CENPW: variants seen among roughly 807,000 people sequenced by gnomAD.
The protein encoded by CENPW is cancer-up-regulated gene 2 protein.
CENPW carries 3 observed loss-of-function variants against 11.1 expected under a neutral mutation model. That is an observed-to-expected ratio of 0.27 (90% CI 0.12 to 0.70). The LOEUF (loss-of-function observed/expected upper bound fraction) is 0.70, where lower values mean the gene tolerates loss of function less well. Ranked by LOEUF, CENPW falls within the 30% of genes least tolerant of loss-of-function variation. The pLI is 0.77. For synonymous variants in CENPW, 38 were observed against 42.0 expected, an observed-to-expected ratio of 0.91 and a Z score of 0.37; for missense variants, 100 against 105.6, an observed-to-expected ratio of 0.95 and a Z score of 0.23.
the CENPW span, among the ~76,000 whole-genome samples, chr6:126,390,644 G>C: frequency 1.5e-4 from 23 of 151,852 alleles, no homozygotes; most frequent in African/African-American, 4.3e-4. Context: ...CCCAGCCTCT[G>C]TTAACCATAC....
At chr6:126,367,393 A>G in the CENPW span, among the ~76,000 whole-genome samples, 3 of 152,174 alleles carry the variant, frequency 2.0e-5, no homozygotes, top group South Asian at 4.1e-4. Context: ...CAGAGATGCA[A>G]TGTACAAGAT....
the CENPW span, among the ~76,000 whole-genome samples, chr6:126,396,223 C>T: frequency 6.6e-6 from 1 of 151,988 alleles, no homozygotes; most frequent in Non-Finnish European, 1.5e-5. Context: ...TCTAAGCTAC[C>T]ATGACTAAGC....
chr6:126,474,158 A>G, the CENPW span, among the ~76,000 whole-genome samples: 44 of 151,818 alleles, frequency 2.9e-4, no homozygotes, highest in African/African-American at 1.0e-3. Flanking sequence ...TGAAAAGCCC[A>G]CAGCTGACAT....
At chr6:126,434,262 C>A in the CENPW span, among the ~76,000 whole-genome samples, 2 of 151,968 alleles carry the variant, frequency 1.3e-5, no homozygotes, top group Non-Finnish European at 1.5e-5. Flanking sequence ...CAGGCCAAAT[C>A]CTAGTTTTGG....
At chr6:126,482,017 C>A in the CENPW span, among the ~76,000 whole-genome samples, 118 of 151,958 alleles carry the variant, frequency 7.8e-4, no homozygotes, top group South Asian at 0.02. Flanking sequence ...GCCCATTTTT[C>A]TTTGTGTTGT....
the CENPW span, among the ~76,000 whole-genome samples, chr6:126,453,922 A>G: frequency 2.0e-5 from 3 of 151,276 alleles, no homozygotes; most frequent in Non-Finnish European, 4.4e-5. Context: ...TTCAGAAAAA[A>G]CAGACTTTAA....
chr6:126,352,247 C>T (rs1222323420), downstream of CENPW, among the ~76,000 whole-genome samples: 1 of 152,110 alleles, frequency 6.6e-6, no homozygotes, highest in Non-Finnish European at 1.5e-5. Context: ...ATACTGTGTC[C>T]TGCAAGCCAA....
the CENPW span, among the ~76,000 whole-genome samples, chr6:126,410,771 G>C: frequency 1.3e-5 from 2 of 151,554 alleles, no homozygotes; most frequent in Non-Finnish European, 2.9e-5. Context: ...GTTTGCTGTT[G>C]GGGCTTTCAC....
chr6:126,423,132 C>T, the CENPW span, among the ~76,000 whole-genome samples: 1 of 151,922 alleles, frequency 6.6e-6, no homozygotes, highest in Non-Finnish European at 1.5e-5. Context: ...ATTTGAATGA[C>T]ATCACAATGA....
chr6:126,412,534 T>C, the CENPW span, among the ~76,000 whole-genome samples: 1 of 152,154 alleles, frequency 6.6e-6, no homozygotes, highest in Non-Finnish European at 1.5e-5. Flanking sequence ...ATGTATCACT[T>C]GTATTTATCC....
the CENPW span, among the ~76,000 whole-genome samples, chr6:126,361,743 C>T: frequency 6.6e-6 from 1 of 151,660 alleles, no homozygotes; most frequent in Non-Finnish European, 1.5e-5. Context: ...GGCTGTGGGA[C>T]TTCATCAGGT....
At chr6:126,460,310 T>C in the CENPW span, among the ~76,000 whole-genome samples, 1 of 151,714 alleles carries the variant, frequency 6.6e-6, no homozygotes, top group Admixed American at 6.6e-5. Context: ...TAACCAATAT[T>C]GTTCACTAAT....
chr6:126,472,217 G>A, the CENPW span, among the ~76,000 whole-genome samples: 2 of 152,068 alleles, frequency 1.3e-5, no homozygotes, highest in Non-Finnish European at 2.9e-5. Context: ...ATAAGTTTTA[G>A]CATATGTATA....
At chr6:126,360,840 G>A in the CENPW span, among the ~76,000 whole-genome samples, 13 of 152,066 alleles carry the variant, frequency 8.5e-5, no homozygotes, top group African/African-American at 3.1e-4. Context: ...TGGATTCCTT[G>A]GATTGGGTCT....
chr6:126,364,773 C>T, the CENPW span, among the ~76,000 whole-genome samples: 1 of 152,134 alleles, frequency 6.6e-6, no homozygotes, highest in South Asian at 2.1e-4. Flanking sequence ...CCTTGTCACC[C>T]TCCTATATGA....
chr6:126,430,575 T>G, the CENPW span, among the ~76,000 whole-genome samples: 1 of 152,208 alleles, frequency 6.6e-6, no homozygotes. Context: ...GATTGGGCTG[T>G]GATGCTCACT....
chr6:126,448,894 C>A, the CENPW span, among the ~76,000 whole-genome samples: 2 of 151,250 alleles, frequency 1.3e-5, no homozygotes, highest in East Asian at 3.9e-4. Flanking sequence ...CATATATATT[C>A]TTTCATTATT....
At chr6:126,384,035 G>A in the CENPW span, among the ~76,000 whole-genome samples, 1 of 152,036 alleles carries the variant, frequency 6.6e-6, no homozygotes, top group Non-Finnish European at 1.5e-5. Flanking sequence ...GAAGAACTGA[G>A]GTCATAGCAA....
chr6:126,414,803 A>G, the CENPW span, among the ~76,000 whole-genome samples: 1 of 151,876 alleles, frequency 6.6e-6, no homozygotes, highest in Non-Finnish European at 1.5e-5. Context: ...TAAAACTAAA[A>G]AAAAAGATGA....
Sources: allele counts gnomAD v4.1 joint callset (sites outside exome capture counted in the v4.1 genomes callset), GRCh38; gene constraint gnomAD v4.1.1; transcripts MANE v1.5; gene names NCBI Gene and HGNC (gene_info 2026-07-23, HGNC 2026-07-21).